Variants in CDK14 observed in about 807,000 individuals in gnomAD.
CDK14 encodes cyclin dependent kinase 14, also known as cyclin-dependent kinase 14.
CDK14 carries 34 observed loss-of-function variants against 60.7 expected under a neutral mutation model. That is an observed-to-expected ratio of 0.56 (90% confidence interval 0.43 to 0.75). The LOEUF (loss-of-function observed/expected upper bound fraction) is 0.75, where lower values mean the gene tolerates loss of function less well. Among genes scored for constraint, CDK14 ranks in the 30% least tolerant of loss-of-function variants. CDK14 has a pLI of 0.00. For synonymous variants in CDK14, 197 were observed against 203.7 expected (o/e 0.97, Z 0.28); for missense variants, 482 against 564.1 (o/e 0.85, Z 1.47).
intron 5 of CDK14, among the ~76,000 whole-genome samples, chr7:90,790,955 A>G (rs370190685): frequency 6.6e-6 from 1 of 152,202 alleles, no homozygotes; most frequent in Non-Finnish European, 1.5e-5. Flanking sequence ...CCTTAGATAC[A>G]TATTAGTTTA....
intron 2 of CDK14, among the ~76,000 whole-genome samples, chr7:90,619,105 T>A (rs1799713206): frequency 6.6e-6 from 1 of 152,228 alleles, no homozygotes; most frequent in Non-Finnish European, 1.5e-5. Context: ...ATTGGGTATT[T>A]CACTTCTCAG....
chr7:90,658,866 C>G (rs1800805188), intron 2 of CDK14, among the ~76,000 whole-genome samples: 1 of 152,056 alleles, frequency 6.6e-6, no homozygotes, highest in Non-Finnish European at 1.5e-5. Context: ...TTTAGCATTT[C>G]TGAATCGGGG....
intron 13 of CDK14, among the ~76,000 whole-genome samples, chr7:91,114,356 T>G (rs1799550228): frequency 6.6e-6 from 1 of 152,184 alleles, no homozygotes; most frequent in African/African-American, 2.4e-5. Context: ...ACATTATCAC[T>G]CGGCAGCAGA....
chr7:90,976,179 C>T (rs1004348616), intron 9 of CDK14, among the ~76,000 whole-genome samples: 1 of 152,066 alleles, frequency 6.6e-6, no homozygotes, highest in African/African-American at 2.4e-5. Context: ...ACATCCTTGC[C>T]AGCATTTGTT....
chr7:90,815,809 A>T (rs1477304926), intron 5 of CDK14, among the ~76,000 whole-genome samples: 2 of 152,158 alleles, frequency 1.3e-5, no homozygotes, highest in Non-Finnish European at 2.9e-5. Context: ...CAGCAAACTA[A>T]CACAGAAACA....
intron 6 of CDK14, 78 bp downstream of exon 6, chr7:90,863,347 T>C: frequency 1.2e-6 from 1 of 802,160 alleles, no homozygotes; most frequent in African/African-American, 1.7e-5. Context: ...AGAATTTCGT[T>C]TTTAGATTGC....
chr7:90,776,510 A>C (rs780254053), intron 4 of CDK14, among the ~76,000 whole-genome samples: 2 of 152,208 alleles, frequency 1.3e-5, no homozygotes, highest in Non-Finnish European at 2.9e-5. Flanking sequence ...AGAGAAGTGG[A>C]AGAATTAGAA....
Position 90,631,184 on chromosome 7 carries a change from G to T in CDK14, c.123+26935G>T, listed in dbSNP as rs190359220. Among the ~76,000 whole-genome samples the T allele has an allele frequency of 9.5e-4, 144 of 152,246 alleles. 1 individual carries two copies. Among genetic ancestry groups the T allele is most frequent in the African/African-American group, 3.2e-3 (132 of 41,540 alleles). On this transcript the variant is annotated intron_variant, in intron 2 of 14. Coordinates refer to ENST00000380050, the MANE Select transcript of CDK14 (RefSeq NM_001287135.2). ...CATAACTTTTCTGAATTTGTTGGGT[G>T]ATCTACATTATCACTGATAAGGTAA...
At chr7:91,143,467 A>G (rs1487547808) in intron 14 of CDK14, among the ~76,000 whole-genome samples, 1 of 152,158 alleles carries the variant, frequency 6.6e-6, no homozygotes, top group African/African-American at 2.4e-5. Context: ...CCTGTAATCA[A>G]TCCCAGCTCT....
chr7:91,093,760 A>G (rs1054811809), intron 12 of CDK14, among the ~76,000 whole-genome samples: 10 of 152,218 alleles, frequency 6.6e-5, no homozygotes, highest in African/African-American at 2.4e-4. Context: ...AATAGCAAAT[A>G]CATGGAATCA....
chr7:90,822,446 TC>T (rs1789582239), intron 5 of CDK14, among the ~76,000 whole-genome samples: 1 of 152,140 alleles, frequency 6.6e-6, no homozygotes, highest in African/African-American at 2.4e-5. Context: ...CACTTTAGTC[TC>T]CCACACTGTG....
intron 12 of CDK14, among the ~76,000 whole-genome samples, chr7:91,081,430 T>C (rs1044566604): frequency 2.0e-5 from 3 of 152,204 alleles, no homozygotes; most frequent in African/African-American, 7.2e-5. Flanking sequence ...TGGTAATAGG[T>C]TTAAAATAAA....
chr7:90,640,489 T>C (rs1359559159), intron 2 of CDK14, among the ~76,000 whole-genome samples: 3 of 152,102 alleles, frequency 2.0e-5, no homozygotes, highest in African/African-American at 7.2e-5. Context: ...ATAAATGTAT[T>C]TATTTCATTA....
At chr7:90,787,357 A>G (rs1241824723) in intron 4 of CDK14, among the ~76,000 whole-genome samples, 2 of 152,238 alleles carry the variant, frequency 1.3e-5, no homozygotes, top group Non-Finnish European at 1.5e-5. Context: ...CTTAAAGGAA[A>G]TAAAAACTTT....
intron 11 of CDK14, among the ~76,000 whole-genome samples, chr7:91,060,235 T>C (rs1797735285): frequency 6.6e-6 from 1 of 152,044 alleles, no homozygotes; most frequent in South Asian, 2.1e-4. Flanking sequence ...TGCCTTTTTT[T>C]TTTTTTCCAT....
At chr7:90,940,520 T>TC (rs1793890313) in intron 8 of CDK14, among the ~76,000 whole-genome samples, 1 of 152,168 alleles carries the variant, frequency 6.6e-6, no homozygotes, top group Admixed American at 6.5e-5. Flanking sequence ...GTGCAGTGGC[T>TC]CATACCTGTA....
intron 12 of CDK14, among the ~76,000 whole-genome samples, chr7:91,111,862 A>G (rs778821726): frequency 6.6e-6 from 1 of 152,278 alleles, no homozygotes; most frequent in Non-Finnish European, 1.5e-5. Context: ...GCTGCTACCC[A>G]TTTGAAAGCT....
chr7:91,147,892 A>G (rs891483699), intron 14 of CDK14, among the ~76,000 whole-genome samples: 15 of 152,210 alleles, frequency 9.9e-5, no homozygotes, highest in African/African-American at 3.6e-4. Flanking sequence ...CACGTTTAAC[A>G]TTAAAGTCAT....
intron 8 of CDK14, among the ~76,000 whole-genome samples, chr7:90,919,415 TCTTTA>T (rs1328980466): frequency 9.2e-5 from 14 of 152,156 alleles, no homozygotes; most frequent in African/African-American, 3.4e-4. Flanking sequence ...TTCTTATGGA[TCTTTA>T]CTTTAAAACT....
Sources: allele counts gnomAD v4.1 joint callset (sites outside exome capture counted in the v4.1 genomes callset), GRCh38; gene constraint gnomAD v4.1.1; transcripts MANE v1.5; gene names NCBI Gene and HGNC (gene_info 2026-07-23, HGNC 2026-07-21).